The following KLHL2 variants were observed in gnomAD, a reference collection of about 807,000 sequenced individuals.
KLHL2 encodes the protein kelch-like protein 2.
A neutral mutation model predicts 75.8 loss-of-function variants in KLHL2; 15 were observed. That is an observed-to-expected ratio of 0.20 (90% CI 0.13 to 0.30). KLHL2 has a LOEUF of 0.30. KLHL2 is among the 10% of genes least tolerant of loss of function. KLHL2 has a pLI of 1.00. For missense variants in KLHL2, 381 were observed against 741.0 expected, an observed-to-expected ratio of 0.51 and a Z score of 5.64; for synonymous variants, 214 against 251.9, an observed-to-expected ratio of 0.85 and a Z score of 1.42.
intron 4 of KLHL2, among the ~76,000 whole-genome samples, chr4:165,243,264 C>CATGTAA (rs1739968351): frequency 6.6e-6 from 1 of 152,186 alleles, no homozygotes; most frequent in Non-Finnish European, 1.5e-5. Context: ...GACTTCTCCG[C>CATGTAA]CTTTGGGTAT....
At chr4:165,271,049 C>T (rs1307894208) in intron 5 of KLHL2, among the ~76,000 whole-genome samples, 1 of 152,204 alleles carries the variant, frequency 6.6e-6, no homozygotes, top group Non-Finnish European at 1.5e-5. Flanking sequence ...GTTATGATAC[C>T]CTTATATTAG....
intron 3 of KLHL2, among the ~76,000 whole-genome samples, chr4:165,231,512 C>T (rs1057111650): frequency 1.3e-5 from 2 of 152,142 alleles, no homozygotes; most frequent in African/African-American, 4.8e-5. Flanking sequence ...ACTGCCATCA[C>T]CATAAATCAA....
chr4:165,257,062 ATAATT>A (rs1220294419), intron 4 of KLHL2, among the ~76,000 whole-genome samples: 1 of 152,156 alleles, frequency 6.6e-6, no homozygotes, highest in Admixed American at 6.5e-5. Flanking sequence ...TCAATTTTTT[ATAATT>A]TAAACAGCAC....
At chr4:165,267,761 G>C (rs1311421234) in intron 5 of KLHL2, among the ~76,000 whole-genome samples, 1 of 152,150 alleles carries the variant, frequency 6.6e-6, no homozygotes, top group South Asian at 2.1e-4. Flanking sequence ...AGGGATATTG[G>C]CCTAAAATTC....
chr4:165,210,209 T>G (rs1218994752), intron 1 of KLHL2: 1 of 1,545,924 alleles, frequency 6.5e-7, no homozygotes, highest in East Asian at 2.4e-5. Flanking sequence ...ATTCATTCAA[T>G]GTGCAAATAT....
chr4:165,271,453 G>T (rs56132371), intron 5 of KLHL2, among the ~76,000 whole-genome samples: 32,856 of 151,846 alleles, frequency 0.22, 4,002 homozygotes, highest in Non-Finnish European at 0.29. Flanking sequence ...TCTCAGCTTG[G>T]TCATTGTTCG....
At chr4:165,257,692 C>T (rs1741299140) in intron 4 of KLHL2, among the ~76,000 whole-genome samples, 1 of 152,092 alleles carries the variant, frequency 6.6e-6, no homozygotes, top group Non-Finnish European at 1.5e-5. Flanking sequence ...AAAGGACATG[C>T]ACAATTGTAT....
At chr4:165,303,195 A>G (rs190003643) in intron 8 of KLHL2, among the ~76,000 whole-genome samples, 67 of 152,280 alleles carry the variant, frequency 4.4e-4, no homozygotes, top group African/African-American at 1.5e-3. Flanking sequence ...TGTTCTCTGT[A>G]TGTAATAGCA....
At chr4:165,300,071 C>T (rs1745231942) in intron 8 of KLHL2, among the ~76,000 whole-genome samples, 2 of 152,148 alleles carry the variant, frequency 1.3e-5, no homozygotes, top group African/African-American at 4.8e-5. Flanking sequence ...AGTGGATCAC[C>T]TGAGGTCAGG....
At chr4:165,240,653 G>A (rs971101734) in intron 4 of KLHL2, among the ~76,000 whole-genome samples, 27 of 151,926 alleles carry the variant, frequency 1.8e-4, no homozygotes, top group African/African-American at 6.3e-4. Flanking sequence ...GCTAGATTCT[G>A]GGGCATTGTT....
At chr4:165,243,359 C>T (rs1403390980) in intron 4 of KLHL2, among the ~76,000 whole-genome samples, 1 of 152,186 alleles carries the variant, frequency 6.6e-6, no homozygotes, top group African/African-American at 2.4e-5. Context: ...ATAAACAGTG[C>T]CCATGAAAGT....
At position 165,316,997 on chromosome 4, in the gene KLHL2, T is replaced by G. The variant is rs1746635304; in HGVS notation, c.1610-829T>G. On this transcript the variant is annotated intron_variant, in intron 13 of 14. Coordinates refer to ENST00000226725, the MANE Select transcript of KLHL2 (RefSeq NM_007246.4). ...GTCATTATTCTAAGAGACATAAGGT[T>G]GGAGGTCATCTTTTTTTCTTATAAT... is the stretch of plus-strand genomic sequence containing the variant. 2.0e-5 allele frequency among the ~76,000 whole-genome samples: 3 copies of G among 152,306 alleles called. No individual in the cohort carries two copies. In the South Asian group the frequency reaches 6.2e-4, roughly 32 times the overall value.
intron 3 of KLHL2, 151 bp downstream of exon 3, chr4:165,229,064 T>C: frequency 1.7e-6 from 1 of 577,132 alleles, no homozygotes. Flanking sequence ...AAATTCCTCC[T>C]CGTCTTTGTT....
chr4:165,310,377 A>G (rs367848022), intron 9 of KLHL2, among the ~76,000 whole-genome samples, 176 bp from the exon 10 acceptor site: 2 of 152,128 alleles, frequency 1.3e-5, no homozygotes, highest in African/African-American at 2.4e-5. Context: ...AAGAAAGACA[A>G]TTTAGTGATT....
intron 5 of KLHL2, among the ~76,000 whole-genome samples, chr4:165,277,133 A>C (rs950906308): frequency 1.8e-4 from 27 of 152,306 alleles, no homozygotes; most frequent in African/African-American, 5.8e-4. Flanking sequence ...ATTGATATAC[A>C]TAGTGGTTCA....
intron 5 of KLHL2, among the ~76,000 whole-genome samples, chr4:165,269,142 T>C (rs1742477410): frequency 1.3e-5 from 2 of 152,198 alleles, no homozygotes; most frequent in Non-Finnish European, 2.9e-5. Flanking sequence ...CCCCTGCTTT[T>C]TTTTTGTTTT....
chr4:165,289,738 C>T (rs1744363202), intron 5 of KLHL2, among the ~76,000 whole-genome samples: 1 of 152,226 alleles, frequency 6.6e-6, no homozygotes, highest in South Asian at 2.1e-4. Flanking sequence ...TTTAAAAAAT[C>T]ACCACCAAGT....
At chr4:165,307,120 C>T (rs975603618) in intron 9 of KLHL2, among the ~76,000 whole-genome samples, 21 of 152,060 alleles carry the variant, frequency 1.4e-4, no homozygotes, top group South Asian at 1.2e-3. Flanking sequence ...CCAGCCTGGC[C>T]AACATGATGA....
At chr4:165,247,409 G>C (rs1740349394) in intron 4 of KLHL2, among the ~76,000 whole-genome samples, 1 of 152,018 alleles carries the variant, frequency 6.6e-6, no homozygotes, top group East Asian at 1.9e-4. Flanking sequence ...TGAGTTTAAG[G>C]GTGTTTTTGT....
Sources: gnomAD v4.1 joint callset for allele counts (sites outside exome capture counted in the v4.1 genomes callset) on GRCh38, gnomAD v4.1.1 for gene constraint, MANE v1.5 for transcripts, NCBI Gene and HGNC (gene_info 2026-07-23, HGNC 2026-07-21) for gene names.